PLCL1: variants seen among roughly 807,000 people sequenced by gnomAD.
The protein encoded by PLCL1 is phospholipase C like 1 (inactive), also known as inactive phospholipase C-like protein 1.
In PLCL1, 41 loss-of-function variants were observed where a neutral mutation model predicts 84.4. That is an observed-to-expected ratio of 0.49 (90% CI 0.38 to 0.63). The LOEUF (loss-of-function observed/expected upper bound fraction) is 0.63. PLCL1 is among the 30% of genes least tolerant of loss of function. The pLI is 0.00. For missense variants in PLCL1, 1,206 were observed against 1,367.8 expected, an observed-to-expected ratio of 0.88 and a Z score of 1.87; for synonymous variants, 490 against 488.3, an observed-to-expected ratio of 1.00 and a Z score of -0.05.
chr2:197,897,064 C>T (rs946650744), intron 1 of PLCL1, among the ~76,000 whole-genome samples: 1 of 151,906 alleles, frequency 6.6e-6, no homozygotes, highest in African/African-American at 2.4e-5. Context: ...TTGAACATTT[C>T]CATAATGATA....
At chr2:197,920,982 T>C (rs1688689921) in intron 1 of PLCL1, among the ~76,000 whole-genome samples, 1 of 152,226 alleles carries the variant, frequency 6.6e-6, no homozygotes, top group African/African-American at 2.4e-5. Flanking sequence ...TTAGGCGATT[T>C]TGTCATCATA....
chr2:198,072,862 A>T (rs1031537306), intron 1 of PLCL1, among the ~76,000 whole-genome samples: 1 of 152,174 alleles, frequency 6.6e-6, no homozygotes, highest in African/African-American at 2.4e-5. Context: ...ATACATTGCC[A>T]TATCTTACTT....
At chr2:198,044,772 C>T (rs1041630002) in intron 1 of PLCL1, among the ~76,000 whole-genome samples, 5 of 152,064 alleles carry the variant, frequency 3.3e-5, no homozygotes, top group African/African-American at 9.7e-5. Context: ...CACTCTTCAC[C>T]TATTTTTGGG....
Position 198,084,908 on chromosome 2 carries a change from C to A in PLCL1, c.1391C>A (p.Thr464Asn). ...CTTTGTAATCGAAATAACATGACAACCCATGTTTCCTTTCGAAGTGTCATA... is the reference window on the plus strand; with the variant it reads ...CTTTGTAATCGAAATAACATGACAAACCATGTTTCCTTTCGAAGTGTCATA... ...PILCNRNNMT[T>N]HVSFRSVIEV... Residue 464 changes from threonine to asparagine, a missense_variant, in exon 2 of 6, where the codon ACC becomes AAC. Coordinates refer to ENST00000428675, the MANE Select transcript of PLCL1 (RefSeq NM_006226.4). 1 of 1,613,780 alleles carries A rather than the reference C, an allele frequency of 6.2e-7. No individual in the cohort carries two copies. Among genetic ancestry groups the A allele is most frequent in the Non-Finnish European group, 8.5e-7 (1 of 1,179,788 alleles).
chr2:197,889,372 A>T (rs553469598), intron 1 of PLCL1, among the ~76,000 whole-genome samples: 4 of 152,300 alleles, frequency 2.6e-5, no homozygotes, highest in East Asian at 3.9e-4. Flanking sequence ...TTTCTAGCCT[A>T]GAGGGAAATA....
intron 1 of PLCL1, among the ~76,000 whole-genome samples, chr2:198,040,946 C>T (rs1447743228): frequency 6.6e-6 from 1 of 152,130 alleles, no homozygotes; most frequent in African/African-American, 2.4e-5. Context: ...GAAAGGGCAA[C>T]AAGCGAATCA....
At position 198,123,259 on chromosome 2, in the gene PLCL1, G is replaced by A. The variant is rs1403882693; in HGVS notation, c.3105+19323G>A. 4.6e-5 allele frequency among the ~76,000 whole-genome samples: 7 copies of A among 152,070 alleles called. No homozygotes were observed. The South Asian group carries it at 1.2e-3, about 27-fold the overall frequency. On this transcript the variant is annotated intron_variant, in intron 5 of 5. Coordinates refer to ENST00000428675, the MANE Select transcript of PLCL1 (RefSeq NM_006226.4). ...ACAGAGGATTCTAGTGTGGTTGGCT[G>A]TAGATAACAAGTCCACTTGCAACAG... is the stretch of plus-strand genomic sequence containing the variant.
intron 5 of PLCL1, among the ~76,000 whole-genome samples, chr2:198,116,356 G>T (rs1023909873): frequency 6.6e-6 from 1 of 151,530 alleles, no homozygotes; most frequent in Non-Finnish European, 1.5e-5. Flanking sequence ...AAATGATTTT[G>T]TACTATTAAT....
intron 1 of PLCL1, among the ~76,000 whole-genome samples, chr2:198,060,328 A>G (rs1207900618): frequency 2.0e-5 from 3 of 152,242 alleles, no homozygotes; most frequent in Non-Finnish European, 1.5e-5. Flanking sequence ...ATTTTGATAG[A>G]GATATGTGAA....
At chr2:198,123,503 A>G (rs930190314) in intron 5 of PLCL1, among the ~76,000 whole-genome samples, 9 of 152,044 alleles carry the variant, frequency 5.9e-5, no homozygotes, top group African/African-American at 1.9e-4. Context: ...TTAGACTTAG[A>G]CAGGTACAGA....
rs548158580 is a variant in PLCL1 at position 197,962,266 on chromosome 2, A to G, written c.241-121492A>G. ...GCTGATGCTCAGAGTCACCACTTGCAGTTTGGGACATTTAAAGTGGAGTAA... is the reference window on the plus strand; with the variant it reads ...GCTGATGCTCAGAGTCACCACTTGCGGTTTGGGACATTTAAAGTGGAGTAA... On this transcript the variant is annotated intron_variant, in intron 1 of 5. Transcript: ENST00000428675. Among the ~76,000 whole-genome samples, 13 of 152,176 alleles carry G rather than the reference A, an allele frequency of 8.5e-5. No individual in the cohort carries two copies. The South Asian group carries it at 2.5e-3, about 29-fold the overall frequency.
intron 1 of PLCL1, among the ~76,000 whole-genome samples, chr2:198,044,828 A>T (rs965136093): frequency 6.6e-6 from 1 of 152,160 alleles, no homozygotes; most frequent in Middle Eastern, 3.2e-3. Flanking sequence ...ATATTAAACA[A>T]CCTTTGTTTC....
intron 1 of PLCL1, among the ~76,000 whole-genome samples, chr2:197,830,350 A>G (rs1691030866): frequency 6.6e-6 from 1 of 151,976 alleles, no homozygotes; most frequent in African/African-American, 2.4e-5. Flanking sequence ...GCTGAAAAAG[A>G]CAGCACGAGA....
At chr2:197,935,663 C>T (rs1607375) in intron 1 of PLCL1, among the ~76,000 whole-genome samples, 109,353 of 152,012 alleles carry the variant, frequency 0.72, 40,264 homozygotes, top group African/African-American at 0.87. Context: ...TATCGGGTAC[C>T]ATGCTTATTA....
chr2:197,868,705 C>A (rs1559030330), intron 1 of PLCL1, among the ~76,000 whole-genome samples: 1 of 139,458 alleles, frequency 7.2e-6, no homozygotes, highest in Non-Finnish European at 1.6e-5. Flanking sequence ...TAAGGTCTCG[C>A]TTTTTTTTTT....
intron 1 of PLCL1, among the ~76,000 whole-genome samples, chr2:197,830,260 G>T (rs1391928954): frequency 4.6e-5 from 7 of 152,060 alleles, no homozygotes; most frequent in African/African-American, 1.7e-4. Context: ...ATGGAAGGAA[G>T]CTAGGAACCT....
intron 3 of PLCL1, among the ~76,000 whole-genome samples, chr2:198,098,190 A>G (rs1247477168): frequency 6.6e-6 from 1 of 152,118 alleles, no homozygotes; most frequent in Non-Finnish European, 1.5e-5. Context: ...AGGAGAGGAC[A>G]AAAAAAGTCT....
intron 1 of PLCL1, among the ~76,000 whole-genome samples, chr2:197,806,903 G>A (rs1297581390): frequency 6.6e-6 from 1 of 152,194 alleles, no homozygotes; most frequent in Non-Finnish European, 1.5e-5. Flanking sequence ...TTGCAACTGA[G>A]TTTGCCACTT....
At chr2:197,934,278 A>T (rs1379387449) in intron 1 of PLCL1, among the ~76,000 whole-genome samples, 1 of 152,202 alleles carries the variant, frequency 6.6e-6, no homozygotes, top group African/African-American at 2.4e-5. Flanking sequence ...TTTTAAAAGT[A>T]GTGTGAGCTG....
Sources: allele counts gnomAD v4.1 joint callset (sites outside exome capture counted in the v4.1 genomes callset), GRCh38; gene constraint gnomAD v4.1.1; transcripts MANE v1.5; gene names NCBI Gene and HGNC (gene_info 2026-07-23, HGNC 2026-07-21).